The following ITSN1 variants were observed in gnomAD, a reference collection of about 807,000 sequenced individuals.
ITSN1 encodes the protein intersectin-1.
Under a neutral mutation model 239.8 loss-of-function variants are expected in ITSN1, and 58 were observed. The ratio of observed to expected loss-of-function variants is 0.24; its 90% CI spans 0.20 to 0.30. The LOEUF (loss-of-function observed/expected upper bound fraction) is 0.30, where lower values mean the gene tolerates loss of function less well. Among genes scored for constraint, ITSN1 ranks in the 10% least tolerant of loss-of-function variants. The probability of loss-of-function intolerance (pLI) is 1.00; values close to 1 mark genes in which losing one functional copy is unlikely to be tolerated. For synonymous variants in ITSN1, 780 were observed against 770.8 expected, an observed-to-expected ratio of 1.01 and a Z score of -0.20; for missense variants, 1,558 against 2,103.3, an observed-to-expected ratio of 0.74 and a Z score of 5.07.
chr21:33,899,575 T>C lies in ITSN1; in HGVS notation c.*11275T>C, dbSNP rs577916898. 32 of 152,244 alleles carry C rather than the reference T, an allele frequency of 2.1e-4. No homozygotes were observed. Among genetic ancestry groups the C allele is most frequent in the Non-Finnish European group, 4.0e-4 (27 of 68,048 alleles). The allele number at this position is 152,244 out of a possible 1,614,324, so 9.4% of individuals were successfully genotyped here. On this transcript the variant is annotated 3_prime_UTR_variant, in exon 40 of 40. Coordinates refer to ENST00000381318, the MANE Select transcript of ITSN1 (RefSeq NM_003024.3). Reference sequence around the variant, plus strand: ...GATGAAGCAGGGCCAAAACATTGTTTCTTCTTTTTTGTTTGAAAGAAGCTG... The same window carrying C: ...GATGAAGCAGGGCCAAAACATTGTTCCTTCTTTTTTGTTTGAAAGAAGCTG...
At chr21:33,703,886 C>T (rs750200114) in intron 1 of ITSN1, among the ~76,000 whole-genome samples, 16 of 152,124 alleles carry the variant, frequency 1.1e-4, no homozygotes, top group Non-Finnish European at 2.4e-4. Flanking sequence ...GTCTCCTCGC[C>T]GAAGAGCTCC....
chr21:33,765,974 A>G lies in ITSN1; in HGVS notation c.888A>G (p.Pro296=), dbSNP rs2068695257. 1.9e-6 allele frequency: 3 copies of G among 1,614,172 alleles called. No individual in the cohort carries two copies. The highest frequency in any genetic ancestry group is 2.5e-6 in the Non-Finnish European group (3 of 1,180,022). ...IDVAMSGQPL[P]PVLPPEYIPP... The stretch of plus-strand genomic sequence containing the variant: ...TAGCTATGTCTGGCCAACCACTGCC[A>G]CCTGTCCTGCCTCCAGAATACATTC... Residue 296 remains proline, a synonymous_variant, in exon 10 of 40, where the codon CCA becomes CCG. Coordinates refer to ENST00000381318, the MANE Select transcript of ITSN1 (RefSeq NM_003024.3).
intron 23 of ITSN1, 47 bp downstream of exon 23, chr21:33,818,519 C>A: frequency 6.9e-7 from 1 of 1,451,678 alleles, no homozygotes; most frequent in Non-Finnish European, 9.7e-7. Context: ...CAATATTAGG[C>A]GTTATATTAC....
At chr21:33,651,359 G>A (rs182111734) in intron 1 of ITSN1, among the ~76,000 whole-genome samples, 3 of 152,330 alleles carry the variant, frequency 2.0e-5, no homozygotes, top group Non-Finnish European at 4.4e-5. Flanking sequence ...GATGGATAGA[G>A]AGGAACATTC....
intron 1 of ITSN1, among the ~76,000 whole-genome samples, chr21:33,713,445 T>C (rs1195703579): frequency 2.0e-5 from 3 of 152,096 alleles, no homozygotes; most frequent in Non-Finnish European, 4.4e-5. Flanking sequence ...GGTTTCACCA[T>C]GTTAGCCAGG....
At chr21:33,717,859 G>A (rs8133665) in intron 1 of ITSN1, among the ~76,000 whole-genome samples, 148,684 of 152,300 alleles carry the variant, frequency 0.98, 72,595 homozygotes, top group East Asian at 1. Context: ...GAGCCACTGC[G>A]CCCGGCCCTA....
chr21:33,867,386 G>A, intron 33 of ITSN1, 55 bp downstream of exon 33: 1 of 967,816 alleles, frequency 1.0e-6, no homozygotes, highest in Non-Finnish European at 1.7e-6. Flanking sequence ...GCATTGGAGA[G>A]GGCTGGGGTC....
chr21:33,712,948 G>T (rs1489903153), intron 1 of ITSN1, among the ~76,000 whole-genome samples: 1 of 152,094 alleles, frequency 6.6e-6, no homozygotes, highest in Non-Finnish European at 1.5e-5. Flanking sequence ...CAGGATCTCG[G>T]TTCACTGTAA....
At position 33,797,251 on chromosome 21, in the gene ITSN1, T is replaced by C; in HGVS notation, c.1953-128T>C. On this transcript the variant is annotated intron_variant, in intron 17 of 39. Transcript: ENST00000381318. The surrounding 1 kb of genome is among the most constrained non-coding windows in gnomAD (Gnocchi z 4.9). ...CTGGAGCCCTGATTCAGTTGCCCCA[T>C]CTGAACAACAATGTTCCCTTGATGT... 8.3e-6 allele frequency: 6 copies of C among 722,154 alleles called. No homozygotes were observed. The highest frequency in any genetic ancestry group is 2.5e-5 in the Admixed American group (1 of 40,810). The allele number at this position is 722,154 out of a possible 1,614,324, so 44.7% of individuals were successfully genotyped here. A position where few individuals can be genotyped will look rare whatever the true frequency, so the allele number is the denominator to read the frequency against.
intron 34 of ITSN1, among the ~76,000 whole-genome samples, chr21:33,877,071 T>TTTTTTTTTTTTA (rs1602690008): frequency 4.1e-5 from 6 of 145,616 alleles, no homozygotes; most frequent in Non-Finnish European, 3.0e-5. Context: ...TTTTTTTTTT[T>TTTTTTTTTTTTA]GAAATGGAGT....
At chr21:33,876,520 A>C (rs1569334211) in intron 34 of ITSN1, among the ~76,000 whole-genome samples, 1 of 152,206 alleles carries the variant, frequency 6.6e-6, no homozygotes, top group African/African-American at 2.4e-5. Flanking sequence ...GCATGCCACC[A>C]TGCCCAGCTA....
intron 1 of ITSN1, among the ~76,000 whole-genome samples, chr21:33,693,877 T>G (rs1399176099): frequency 6.6e-6 from 1 of 152,250 alleles, no homozygotes; most frequent in Non-Finnish European, 1.5e-5. Flanking sequence ...AGTAAAAGTT[T>G]TATATATAAG....
chr21:33,729,940 A>G (rs1241218281), intron 4 of ITSN1, among the ~76,000 whole-genome samples: 1 of 152,178 alleles, frequency 6.6e-6, no homozygotes, highest in East Asian at 1.9e-4. Context: ...TTTTCCTTTC[A>G]CAGTAGATTT....
chr21:33,883,481 ACACT>A (rs1405493891), intron 35 of ITSN1, 65 bp from the exon 36 acceptor site: 1 of 1,589,220 alleles, frequency 6.3e-7, no homozygotes, highest in Non-Finnish European at 8.6e-7. Context: ...GTGTGCTCAC[ACACT>A]CACGGTTTAC....
At chr21:33,669,814 G>A (rs548496277) in intron 1 of ITSN1, among the ~76,000 whole-genome samples, 1 of 150,686 alleles carries the variant, frequency 6.6e-6, no homozygotes, top group South Asian at 2.1e-4. Flanking sequence ...AAAATGACAT[G>A]TGTTGGTGTT....
In ITSN1 at chr21:33,755,278, CTT is replaced by C. The variant is rs1054793344; in HGVS notation, c.624-15_624-14del. The C allele has an allele frequency of 2.7e-6, 4 of 1,503,788 alleles. No individual in the cohort carries two copies. In the African/African-American group the frequency reaches 5.5e-5, roughly 21 times the overall value. The allele number at this position is 1,503,788 out of a possible 1,614,324, so 93.2% of individuals were successfully genotyped here. On this transcript the variant is annotated splice_polypyrimidine_tract_variant and intron_variant, in intron 7 of 39. Coordinates refer to ENST00000381318, the MANE Select transcript of ITSN1 (RefSeq NM_003024.3). ...CCTTATGGATAATCCTCTTTCTCTCCTTTTTCTTTTCCCCACAGTGTCCCACC... is the reference window on the plus strand; with the variant it reads ...CCTTATGGATAATCCTCTTTCTCTCCTTTCTTTTCCCCACAGTGTCCCACC...
intron 6 of ITSN1, among the ~76,000 whole-genome samples, chr21:33,750,610 G>A (rs1435705394): frequency 2.0e-5 from 3 of 152,186 alleles, no homozygotes; most frequent in Admixed American, 1.3e-4. Flanking sequence ...GGGCTGAGAA[G>A]AGCAATTGAA....
intron 1 of ITSN1, among the ~76,000 whole-genome samples, chr21:33,676,628 G>A (rs149025609): frequency 8.9e-4 from 135 of 152,314 alleles, no homozygotes; most frequent in Middle Eastern, 3.4e-3. Flanking sequence ...GTGGCCAAAT[G>A]TAATTTACAT....
chr21:33,679,835 C>A (rs1273327390), intron 1 of ITSN1, among the ~76,000 whole-genome samples: 1 of 150,786 alleles, frequency 6.6e-6, no homozygotes, highest in Non-Finnish European at 1.5e-5. Flanking sequence ...GTAGCTGGGA[C>A]TACAGGTGCC....
Sources: gnomAD v4.1 joint callset for allele counts (sites outside exome capture counted in the v4.1 genomes callset) on GRCh38, gnomAD v4.1.1 for gene constraint, Gnocchi (gnomAD v3.1) non-coding constraint, MANE v1.5 for transcripts, NCBI Gene and HGNC (gene_info 2026-07-23, HGNC 2026-07-21) for gene names.